The following MAL variants were observed in gnomAD, a reference collection of about 807,000 sequenced individuals.
MAL encodes the protein myelin and lymphocyte protein.
A neutral mutation model predicts 16.7 loss-of-function variants in MAL; 5 were observed. The observed-to-expected ratio is 0.30, with a 90% CI of 0.16 to 0.63. MAL has a LOEUF of 0.63. Ranked by LOEUF, MAL falls within the 30% of genes least tolerant of loss-of-function variation. MAL has a pLI of 0.82. For missense variants in MAL, 202 were observed against 195.8 expected, an observed-to-expected ratio of 1.03 and a Z score of -0.19; for synonymous variants, 96 against 85.5, an observed-to-expected ratio of 1.12 and a Z score of -0.67.
intron 1 of MAL, among the ~76,000 whole-genome samples, chr2:95,040,615 G>T (rs772886087): frequency 6.6e-6 from 1 of 152,176 alleles, no homozygotes; most frequent in Admixed American, 6.5e-5. Context: ...ACGACTCAGT[G>T]AGTGAATAGA....
intron 1 of MAL, among the ~76,000 whole-genome samples, chr2:95,041,930 C>A (rs1411434203): frequency 6.6e-6 from 1 of 152,106 alleles, no homozygotes; most frequent in Non-Finnish European, 1.5e-5. Flanking sequence ...CTCTGCTAAC[C>A]CCCCGACAAC....
chr2:95,039,076 CTGAT>C lies in MAL; in HGVS notation c.94-8879_94-8876del, dbSNP rs1254767978. Among the ~76,000 whole-genome samples the C allele has an allele frequency of 6.4e-4, 60 of 94,420 alleles. 1 individual carries two copies. Among genetic ancestry groups the C allele is most frequent in the Admixed American group, 9.1e-4 (9 of 9,866 alleles). 61.9% of individuals were successfully genotyped at this position (94,420 alleles called of 152,430 possible). On this transcript the variant is annotated intron_variant, in intron 1 of 3. Transcript: ENST00000309988. ...AGTGGGTGAGTGAGTGAGTGAGTGA[CTGAT>C]TGAGTGACTGAGTGAGTGAGTGAGT... is the stretch of plus-strand genomic sequence containing the variant.
chr2:95,032,410 A>C (rs1674105583), intron 1 of MAL, among the ~76,000 whole-genome samples: 1 of 152,146 alleles, frequency 6.6e-6, no homozygotes, highest in Admixed American at 6.5e-5. Flanking sequence ...CTTGAACTAG[A>C]AGGGGCTGGG....
chr2:95,032,736 G>A (rs1674113747), intron 1 of MAL, among the ~76,000 whole-genome samples: 1 of 152,176 alleles, frequency 6.6e-6, no homozygotes, highest in African/African-American at 2.4e-5. Context: ...CCTGGTGAAA[G>A]GTTTGATACC....
intron 1 of MAL, among the ~76,000 whole-genome samples, chr2:95,039,556 G>A (rs537097062): frequency 1.9e-4 from 29 of 151,476 alleles, no homozygotes; most frequent in African/African-American, 6.8e-4. Flanking sequence ...GACTTGGTAA[G>A]TGAGTGACTG....
intron 1 of MAL, among the ~76,000 whole-genome samples, chr2:95,027,337 G>T (rs1673967681): frequency 6.6e-6 from 1 of 152,214 alleles, no homozygotes; most frequent in Admixed American, 6.5e-5. Flanking sequence ...ACTACTGGCA[G>T]CTTGCTCTTC....
At chr2:95,043,840 G>A (rs531247497) in intron 1 of MAL, among the ~76,000 whole-genome samples, 13 of 152,308 alleles carry the variant, frequency 8.5e-5, no homozygotes, top group Non-Finnish European at 1.5e-4. Context: ...GCGGAAGGTC[G>A]ACCGCCCCAC....
intron 1 of MAL, among the ~76,000 whole-genome samples, chr2:95,039,432 GTGAC>G (rs1416863498): frequency 2.7e-5 from 4 of 150,864 alleles, no homozygotes; most frequent in East Asian, 2.0e-4. Context: ...GAGTGACTGA[GTGAC>G]TGAGTGAGTG....
intron 1 of MAL, among the ~76,000 whole-genome samples, chr2:95,037,388 CTGAGTGAGTGAGTGACTG>C (rs1674253405): frequency 1.2e-5 from 1 of 86,334 alleles, no homozygotes; most frequent in Admixed American, 1.1e-4. Context: ...GAGTGATTGA[CTGAGTGAGTGAGTGACTG>C]AGTGAGTGAC....
chr2:95,048,866 G>A (rs1354694602), intron 2 of MAL, among the ~76,000 whole-genome samples: 1 of 152,158 alleles, frequency 6.6e-6, no homozygotes, highest in Admixed American at 6.5e-5. Context: ...ACCCAGGCTG[G>A]AGTGCAGTGG....
At chr2:95,034,994 G>A (rs1455723971) in intron 1 of MAL, among the ~76,000 whole-genome samples, 1 of 152,214 alleles carries the variant, frequency 6.6e-6, no homozygotes, top group Admixed American at 6.5e-5. Context: ...CGGTAGGGAA[G>A]GGGCTCGGGT....
intron 1 of MAL, chr2:95,044,226 A>C (rs1380299442): frequency 6.6e-6 from 1 of 152,236 alleles, no homozygotes; most frequent in Non-Finnish European, 1.5e-5. Context: ...GTTTGTAGAG[A>C]TAGAAAGTAG....
intron 3 of MAL, among the ~76,000 whole-genome samples, 155 bp downstream of exon 3, chr2:95,049,861 G>A (rs180951073): frequency 2.6e-5 from 4 of 152,268 alleles, no homozygotes; most frequent in African/African-American, 7.2e-5. Context: ...GAAAGCCCCC[G>A]AGAAGGGCAG....
At chr2:95,039,727 CTGAG>C (rs10617795) in intron 1 of MAL, among the ~76,000 whole-genome samples, 107,267 of 148,254 alleles carry the variant, frequency 0.72, 39,062 homozygotes, top group African/African-American at 0.8. Context: ...GAGTGAGTGA[CTGAG>C]TGAGTGAGTG....
intron 3 of MAL, among the ~76,000 whole-genome samples, chr2:95,050,131 C>T (rs760808718): frequency 1.3e-4 from 20 of 152,006 alleles, no homozygotes; most frequent in African/African-American, 3.1e-4. Context: ...CTGGCATCAA[C>T]GCTGGAGGCC....
chr2:95,041,241 G>C (rs769451304), intron 1 of MAL, among the ~76,000 whole-genome samples: 1 of 152,152 alleles, frequency 6.6e-6, no homozygotes, highest in African/African-American at 2.4e-5. Context: ...GCGTCTTCCC[G>C]TCCTTGATGA....
intron 3 of MAL, among the ~76,000 whole-genome samples, chr2:95,050,010 TATTTAACATCC>T (rs1187162565): frequency 6.6e-6 from 1 of 152,212 alleles, no homozygotes; most frequent in East Asian, 1.9e-4. Context: ...TGAACAATCT[TATTTAACATCC>T]ATGGCAACCC....
chr2:95,053,334 C>T (rs374217109), intron 3 of MAL, 47 bp from the exon 4 acceptor site: 177 of 1,307,028 alleles, frequency 1.4e-4, no homozygotes, highest in Non-Finnish European at 1.8e-4. Flanking sequence ...CGCTGTGCCT[C>T]GCCCTCCCTA....
intron 1 of MAL, among the ~76,000 whole-genome samples, chr2:95,039,364 CTGAGTAACTGAGTGAG>C (rs1368459784): frequency 5.3e-5 from 4 of 75,830 alleles, no homozygotes; most frequent in Non-Finnish European, 7.9e-5. Context: ...GACTGACTGA[CTGAGTAACTGAGTGAG>C]TGAGTGAGTG....
Sources: allele counts gnomAD v4.1 joint callset (sites outside exome capture counted in the v4.1 genomes callset), GRCh38; gene constraint gnomAD v4.1.1; transcripts MANE v1.5; gene names NCBI Gene and HGNC (gene_info 2026-07-23, HGNC 2026-07-21).